Variants in SSBP2 observed in about 807,000 individuals in gnomAD.
SSBP2 encodes single-stranded DNA-binding protein 2.
SSBP2 carries 17 observed loss-of-function variants against 61.8 expected under a neutral mutation model. That is an observed-to-expected ratio of 0.28 (90% CI 0.19 to 0.41). The LOEUF (loss-of-function observed/expected upper bound fraction) is 0.41. SSBP2 is among the 10% of genes least tolerant of loss of function. The pLI is 1.00. For missense variants in SSBP2, 310 were observed against 458.7 expected (o/e 0.68, Z 2.96); for synonymous variants, 139 against 141.3 (o/e 0.98, Z 0.12).
chr5:81,528,468 C>A (rs149176448), intron 4 of SSBP2, among the ~76,000 whole-genome samples: 105 of 152,066 alleles, frequency 6.9e-4, no homozygotes, highest in African/African-American at 2.4e-3. Flanking sequence ...AAGTTATGAA[C>A]ATGAATCAAT....
intron 11 of SSBP2, among the ~76,000 whole-genome samples, chr5:81,447,415 T>C (rs1418274344): frequency 6.6e-6 from 1 of 152,226 alleles, no homozygotes; most frequent in African/African-American, 2.4e-5. Context: ...TACCTTCCAC[T>C]ATCACATCAA....
chr5:81,737,787 C>CAAAAA (rs35211460), intron 1 of SSBP2, among the ~76,000 whole-genome samples: 1 of 108,306 alleles, frequency 9.2e-6, no homozygotes, highest in African/African-American at 4.0e-5. Context: ...GACTCCATCT[C>CAAAAA]AAAAAAAAAA....
chr5:81,545,149 A>T (rs73133677), intron 4 of SSBP2, among the ~76,000 whole-genome samples: 8,002 of 152,244 alleles, frequency 0.053, 389 homozygotes, highest in African/African-American at 0.12. Context: ...GATAAAACAC[A>T]TATTTTTTTA....
In SSBP2 at chr5:81,449,976, A is replaced by G. The variant is rs143567955; in HGVS notation, c.688-1151T>C. 3.1e-3 allele frequency among the ~76,000 whole-genome samples: 476 copies of G among 152,148 alleles called. 5 individuals are homozygous for G. Among genetic ancestry groups the G allele is most frequent in the East Asian group, 0.017 (89 of 5,180 alleles). ...TTACTTCATTTAGTGAATGAATACA[A>G]CTTTGCTCTCTTGGGTCCCTTTCAG... On this transcript the variant is annotated intron_variant, in intron 10 of 16. Transcript: ENST00000320672.
chr5:81,470,238 C>T (rs1402471167), intron 8 of SSBP2, among the ~76,000 whole-genome samples: 1 of 151,730 alleles, frequency 6.6e-6, no homozygotes, highest in African/African-American at 2.4e-5. Context: ...ACTTACTGCC[C>T]TTAAAAACAC....
intron 1 of SSBP2, among the ~76,000 whole-genome samples, chr5:81,688,087 C>A (rs1311022378): frequency 1.3e-5 from 2 of 152,126 alleles, no homozygotes; most frequent in Non-Finnish European, 2.9e-5. Context: ...ATTTCTGGAC[C>A]TGTCCTGGCC....
chr5:81,719,924 A>T (rs1755439207), intron 1 of SSBP2, among the ~76,000 whole-genome samples: 1 of 152,056 alleles, frequency 6.6e-6, no homozygotes, highest in South Asian at 2.1e-4. Flanking sequence ...ATAGTGGCTC[A>T]ATCTGTGAAA....
intron 4 of SSBP2, among the ~76,000 whole-genome samples, chr5:81,545,535 T>C (rs1260493732): frequency 6.6e-6 from 1 of 152,212 alleles, no homozygotes; most frequent in African/African-American, 2.4e-5. Context: ...GGTCAAGCTG[T>C]TAACAAACCA....
intron 1 of SSBP2, among the ~76,000 whole-genome samples, chr5:81,669,118 TA>T (rs1751387593): frequency 6.6e-6 from 1 of 152,120 alleles, no homozygotes; most frequent in Non-Finnish European, 1.5e-5. Flanking sequence ...TGCATATATG[TA>T]AAAAGTAATG....
At chr5:81,627,023 T>C (rs897653499) in intron 3 of SSBP2, among the ~76,000 whole-genome samples, 1 of 152,144 alleles carries the variant, frequency 6.6e-6, no homozygotes, top group Admixed American at 6.5e-5. Flanking sequence ...GACAAAGAGA[T>C]GACATACGCA....
intron 1 of SSBP2, among the ~76,000 whole-genome samples, chr5:81,736,141 GAA>G (rs367849923): frequency 0.41 from 52,633 of 127,714 alleles, 11,438 homozygotes; most frequent in Admixed American, 0.54. Flanking sequence ...CTACTACCCT[GAA>G]ACACACACAC....
chr5:81,624,118 G>A (rs1455835778), intron 3 of SSBP2, among the ~76,000 whole-genome samples: 3 of 151,916 alleles, frequency 2.0e-5, no homozygotes, highest in Non-Finnish European at 2.9e-5. Flanking sequence ...TTTTAAAAAA[G>A]CCCTACTCAT....
At chr5:81,739,065 T>G (rs1268634542) in intron 1 of SSBP2, among the ~76,000 whole-genome samples, 1 of 140,588 alleles carries the variant, frequency 7.1e-6, no homozygotes, top group East Asian at 2.2e-4. Context: ...CTTGGGAGGC[T>G]GAAGCAGGAC....
chr5:81,635,304 T>C (rs1748106372), intron 3 of SSBP2, among the ~76,000 whole-genome samples: 1 of 152,182 alleles, frequency 6.6e-6, no homozygotes, highest in Non-Finnish European at 1.5e-5. Context: ...GCTTTTCCAG[T>C]ACAAGAAAAT....
intron 5 of SSBP2, among the ~76,000 whole-genome samples, chr5:81,493,288 AG>A (rs1767016049): frequency 6.7e-6 from 1 of 149,694 alleles, no homozygotes; most frequent in Non-Finnish European, 1.5e-5. Context: ...ATAGATAGAT[AG>A]ATAGATAGAT....
chr5:81,482,606 GCT>G (rs893731570), intron 6 of SSBP2, among the ~76,000 whole-genome samples: 45 of 152,142 alleles, frequency 3.0e-4, no homozygotes, highest in African/African-American at 1.0e-3. Flanking sequence ...AACTTCCTCA[GCT>G]CTCTCAGTCT....
chr5:81,687,129 T>C (rs1752871571), intron 1 of SSBP2, among the ~76,000 whole-genome samples: 1 of 152,220 alleles, frequency 6.6e-6, no homozygotes, highest in Non-Finnish European at 1.5e-5. Flanking sequence ...GAATTACTGA[T>C]GCCACCCTAC....
intron 6 of SSBP2, among the ~76,000 whole-genome samples, chr5:81,483,476 TG>T (rs1766148670): frequency 6.6e-6 from 1 of 152,168 alleles, no homozygotes; most frequent in South Asian, 2.1e-4. Context: ...AAATTTTTTA[TG>T]GGCCCATAAT....
At chr5:81,639,167 A>G (rs534688590) in intron 2 of SSBP2, among the ~76,000 whole-genome samples, 1 of 152,194 alleles carries the variant, frequency 6.6e-6, no homozygotes, top group Non-Finnish European at 1.5e-5. Context: ...GAGTTTTTAA[A>G]TAAATTCGTG....
Sources: gnomAD v4.1 joint callset for allele counts (sites outside exome capture counted in the v4.1 genomes callset) on GRCh38, gnomAD v4.1.1 for gene constraint, MANE v1.5 for transcripts, NCBI Gene and HGNC (gene_info 2026-07-23, HGNC 2026-07-21) for gene names.